Variants in ATXN2 observed in about 807,000 individuals in gnomAD.
The protein encoded by ATXN2 is ataxin 2, also known as ataxin-2.
A neutral mutation model predicts 138.6 loss-of-function variants in ATXN2; 37 were observed. The ratio of observed to expected loss-of-function variants is 0.27; its 90% CI spans 0.21 to 0.35. The LOEUF (loss-of-function observed/expected upper bound fraction) is 0.35, where lower values mean the gene tolerates loss of function less well. Among genes scored for constraint, ATXN2 ranks in the 10% least tolerant of loss-of-function variants. The pLI is 1.00. For missense variants in ATXN2, 1,216 were observed against 1,480.3 expected (o/e 0.82, Z 2.93); for synonymous variants, 549 against 543.7 (o/e 1.01, Z -0.13).
chr12:111,577,426 C>T (rs1018801088), intron 1 of ATXN2, among the ~76,000 whole-genome samples: 2 of 151,748 alleles, frequency 1.3e-5, no homozygotes, highest in South Asian at 2.1e-4. Flanking sequence ...CCACCACACC[C>T]GGTTAATTTT....
At position 111,519,938 on chromosome 12, in the gene ATXN2, T is replaced by C. The variant is rs893561729; in HGVS notation, c.927A>G (p.Glu309=). Residue 309 remains glutamate, a synonymous_variant, in exon 8 of 25, where the codon GAA becomes GAG. Coordinates refer to ENST00000673436, the MANE Select transcript of ATXN2 (RefSeq NM_001372574.1). ...AATTTCTCTGAACTGCTGTGTATTT[T>C]TCTTCCTCACTCCTATCATCATTTT... ...ALENDDRSEE[E]KYTAVQRNSS... is the part of the protein sequence containing the mutation. 1.9e-6 allele frequency: 3 copies of C among 1,614,064 alleles called. No individual in the cohort carries two copies. In the African/African-American group the frequency reaches 4.0e-5, roughly 22 times the overall value.
At chr12:111,531,480 C>T (rs146579278) in intron 5 of ATXN2, among the ~76,000 whole-genome samples, 1 of 152,278 alleles carries the variant, frequency 6.6e-6, no homozygotes, top group African/African-American at 2.4e-5. Context: ...GAATTGTACA[C>T]AAGAACACAG....
At chr12:111,491,631 T>C (rs1322122433) in intron 14 of ATXN2, among the ~76,000 whole-genome samples, 2 of 152,210 alleles carry the variant, frequency 1.3e-5, no homozygotes, top group Non-Finnish European at 2.9e-5. Flanking sequence ...ATGACATTTC[T>C]AGACATATTC....
In ATXN2 at chr12:111,470,634, G is replaced by A. The variant is rs745882036; in HGVS notation, c.2633C>T (p.Thr878Met). The A allele has an allele frequency of 9.3e-6, 15 of 1,614,042 alleles. No homozygotes were observed. Among genetic ancestry groups the A allele is most frequent in the Middle Eastern group, 1.6e-4 (1 of 6,084 alleles). Residue 878 changes from threonine to methionine, a missense_variant, in exon 19 of 25, where the codon ACG becomes ATG. Thr to Met is a moderately conservative substitution (Grantham distance 81). Transcript: ENST00000673436. ...CTGAGGACTGTAGGCAACATATTGCGTGGAGTAAGCTGGTGGGGTGGCTGC... is the reference window on the plus strand; with the variant it reads ...CTGAGGACTGTAGGCAACATATTGCATGGAGTAAGCTGGTGGGGTGGCTGC... ...PIAATPPAYS[T>M]QYVAYSPQQF...
intron 1 of ATXN2, among the ~76,000 whole-genome samples, chr12:111,572,010 T>TC (rs777402602): frequency 4.1e-5 from 3 of 73,364 alleles, no homozygotes; most frequent in South Asian, 9.7e-4. Flanking sequence ...AGACTCTGTC[T>TC]CAAAAAAAAA....
intron 1 of ATXN2, among the ~76,000 whole-genome samples, chr12:111,560,348 T>C (rs986624367): frequency 6.6e-6 from 1 of 152,176 alleles, no homozygotes; most frequent in Non-Finnish European, 1.5e-5. Context: ...TGTGCACCGG[T>C]ATATGCAAAT....
At chr12:111,462,019 T>C (rs1875627970) in intron 21 of ATXN2, among the ~76,000 whole-genome samples, 1 of 151,942 alleles carries the variant, frequency 6.6e-6, no homozygotes, top group African/African-American at 2.4e-5. Flanking sequence ...GGGCAGTGGG[T>C]TCTGACCCAC....
At chr12:111,596,966 T>C (rs547481050) in intron 1 of ATXN2, among the ~76,000 whole-genome samples, 8 of 152,320 alleles carry the variant, frequency 5.3e-5, no homozygotes, top group African/African-American at 1.9e-4. Flanking sequence ...CCAAATCTCT[T>C]CCTAATACCT....
At chr12:111,551,003 A>G (rs1013554157) in intron 5 of ATXN2, among the ~76,000 whole-genome samples, 29 of 152,356 alleles carry the variant, frequency 1.9e-4, no homozygotes, top group African/African-American at 6.7e-4. Context: ...AATAAATAAA[A>G]GAATTTTAGA....
chr12:111,493,189 C>T (rs1312824828), intron 14 of ATXN2, among the ~76,000 whole-genome samples: 2 of 151,986 alleles, frequency 1.3e-5, no homozygotes, highest in Non-Finnish European at 2.9e-5. Flanking sequence ...GATGCCAAGG[C>T]GGGCGGATCA....
Position 111,457,200 on chromosome 12 carries a change from T to C in ATXN2, c.3042+14A>G, listed in dbSNP as rs1423295169. The stretch of plus-strand genomic sequence containing the variant: ...AAAGAAGCCACTCCATGCAGACCTC[T>C]GAGTTGCCCTTACCTGAACAGGACT... On this transcript the variant is annotated intron_variant, in intron 22 of 24. Transcript: ENST00000673436. 1 of 1,607,256 alleles carries C rather than the reference T, an allele frequency of 6.2e-7. No individual in the cohort carries two copies. The highest frequency in any genetic ancestry group is 1.1e-5 in the South Asian group (1 of 90,158).
chr12:111,597,831 A>G (rs1416232311), intron 1 of ATXN2: 2 of 1,275,422 alleles, frequency 1.6e-6, no homozygotes, highest in Non-Finnish European at 1.0e-6. Context: ...GGGGGTTGGG[A>G]TAAGTGCGCA....
At chr12:111,583,766 C>CAAAAAAAAA (rs748838859) in intron 1 of ATXN2, among the ~76,000 whole-genome samples, 12 of 58,110 alleles carry the variant, frequency 2.1e-4, no homozygotes, top group Non-Finnish European at 2.9e-4. Flanking sequence ...GACTCCGACT[C>CAAAAAAAAA]AAAAAAAAAA....
At chr12:111,495,209 G>A (rs1878334565) in intron 14 of ATXN2, among the ~76,000 whole-genome samples, 1 of 151,718 alleles carries the variant, frequency 6.6e-6, no homozygotes, top group South Asian at 2.1e-4. Context: ...TTGGGAGGCT[G>A]AGGCAGGAGA....
At chr12:111,481,734 C>T (rs893623350) in intron 18 of ATXN2, among the ~76,000 whole-genome samples, 1 of 152,120 alleles carries the variant, frequency 6.6e-6, no homozygotes, top group Non-Finnish European at 1.5e-5. Context: ...CAGCTCACTG[C>T]AGCCTCCGCC....
chr12:111,584,844 CT>C (rs1884237812), intron 1 of ATXN2, among the ~76,000 whole-genome samples: 1 of 152,034 alleles, frequency 6.6e-6, no homozygotes, highest in South Asian at 2.1e-4. Context: ...TGGAGCATGT[CT>C]GTAATCCCAG....
chr12:111,581,627 T>C, intron 1 of ATXN2: 1 of 778,052 alleles, frequency 1.3e-6, no homozygotes, highest in South Asian at 1.4e-5. Context: ...CTCCGTGAAG[T>C]CTAGGGACAA....
intron 14 of ATXN2, among the ~76,000 whole-genome samples, chr12:111,492,542 C>T (rs544416230): frequency 3.3e-4 from 50 of 152,204 alleles, no homozygotes; most frequent in African/African-American, 1.1e-3. Flanking sequence ...ATTAGCCAGG[C>T]GTGGTGGCAC....
chr12:111,502,884 A>T (rs79628266), intron 14 of ATXN2, among the ~76,000 whole-genome samples: 2,128 of 152,298 alleles, frequency 0.014, 21 homozygotes, highest in South Asian at 0.022. Context: ...AACACTTTAT[A>T]GGCAATATCT....
Sources: gnomAD v4.1 joint callset for allele counts (sites outside exome capture counted in the v4.1 genomes callset) on GRCh38, gnomAD v4.1.1 for gene constraint, MANE v1.5 for transcripts, NCBI Gene and HGNC (gene_info 2026-07-23, HGNC 2026-07-21) for gene names.